The following HNRNPL variants were observed in gnomAD, a reference collection of about 807,000 sequenced individuals.
The protein encoded by HNRNPL is heterogeneous nuclear ribonucleoprotein L.
HNRNPL carries 12 observed loss-of-function variants against 64.0 expected under a neutral mutation model. The observed-to-expected ratio is 0.19, with a 90% CI of 0.12 to 0.30. The LOEUF is 0.30. Ranked by LOEUF, HNRNPL falls within the 10% of genes least tolerant of loss-of-function variation. The probability of loss-of-function intolerance (pLI) is 1.00; values close to 1 mark genes in which losing one functional copy is unlikely to be tolerated. For missense variants in HNRNPL, 484 were observed against 797.4 expected (o/e 0.61, Z 4.73); for synonymous variants, 385 against 313.0 (o/e 1.23, Z -2.43).
At chr19:38,846,218 C>G (rs144806789) in intron 2 of HNRNPL, 128 bp from the exon 3 acceptor site, 2 of 746,436 alleles carry the variant, frequency 2.7e-6, no homozygotes, top group African/African-American at 1.7e-5. Flanking sequence ...CATGGTTCCC[C>G]GACCTGAACA....
intron 9 of HNRNPL, 37 bp downstream of exon 9, chr19:38,838,857 C>T (rs761627186): frequency 6.2e-7 from 1 of 1,613,478 alleles, no homozygotes; most frequent in Non-Finnish European, 8.5e-7. Context: ...TTTCTCTCCC[C>T]TGTACCTCTG....
At position 38,836,601 on chromosome 19, in the gene HNRNPL, A is replaced by T. The variant is rs1490863562; in HGVS notation, c.*121T>A. 6.2e-5 allele frequency: 8 copies of T among 128,754 alleles called. No individual in the cohort carries two copies. The highest frequency in any genetic ancestry group is 3.0e-4 in the South Asian group (1 of 3,368). The allele number at this position is 128,754 out of a possible 1,614,324, so 8.0% of individuals were successfully genotyped here. On this transcript the variant is annotated 3_prime_UTR_variant, in exon 13 of 13. Coordinates refer to ENST00000221419, the MANE Select transcript of HNRNPL (RefSeq NM_001533.3). ...AAGCCTCTACAAACCTAGCATTTAA[A>T]AAAAAAAAAAAAAAAAAAAAAAAGG...
intron 4 of HNRNPL, chr19:38,845,299 A>C: frequency 5.1e-6 from 1 of 197,026 alleles, no homozygotes; most frequent in Non-Finnish European, 1.1e-5. Flanking sequence ...TGAACCCAGG[A>C]GGCAGAGGTT....
chr19:38,837,610 T>C lies in HNRNPL; in HGVS notation c.1599A>G (p.Lys533=). The C allele has an allele frequency of 6.2e-7, 1 of 1,614,238 alleles. No individual in the cohort carries two copies. Among genetic ancestry groups the C allele is most frequent in the Non-Finnish European group, 8.5e-7 (1 of 1,180,032 alleles). The part of the protein sequence containing the change: ...ELGVKRPSSV[K]VFSGKSERSS... The stretch of plus-strand genomic sequence containing the variant: ...TCGACTCACTTTTGCCTGAGAATAC[T>C]TTCACAGAAGATGGCCGCTTCACTC... Residue 533 remains lysine, a synonymous_variant, in exon 11 of 13, where the codon AAA becomes AAG. Coordinates refer to ENST00000221419, the MANE Select transcript of HNRNPL (RefSeq NM_001533.3).
Position 38,837,717 on chromosome 19 carries a change from G to C in HNRNPL, c.1558-66C>G, listed in dbSNP as rs576948257. ...AGGGCCGCCACACAGGATTCAAGCA[G>C]ACCAGGCCCTGCATGACTCAGTACT... is the stretch of plus-strand genomic sequence containing the variant. On this transcript the variant is annotated intron_variant, in intron 10 of 12. Transcript: ENST00000221419. 6.2e-5 allele frequency: 87 copies of C among 1,410,372 alleles called. No individual in the cohort carries two copies. In the East Asian group the frequency reaches 1.9e-3, roughly 31 times the overall value. 87.4% of individuals were successfully genotyped at this position (1,410,372 alleles called of 1,614,324 possible).
At chr19:38,842,121 T>TTG (rs1002991155) in intron 6 of HNRNPL, 2 of 155,152 alleles carry the variant, frequency 1.3e-5, no homozygotes, top group Non-Finnish European at 2.9e-5. Flanking sequence ...TTTTTTTTTT[T>TTG]TGGTTTCTGA....
chr19:38,843,562 C>A (rs1433478816), intron 6 of HNRNPL: 1 of 464,290 alleles, frequency 2.2e-6, no homozygotes, highest in Non-Finnish European at 3.9e-6. Flanking sequence ...AGGCCGCCCC[C>A]ACGCCTCATC....
chr19:38,845,522 G>A (rs1346336347), intron 4 of HNRNPL, 128 bp downstream of exon 4: 14 of 744,374 alleles, frequency 1.9e-5, no homozygotes, highest in Non-Finnish European at 2.9e-5. Context: ...ACTGGGCTCT[G>A]TGAAGGCATC....
intron 2 of HNRNPL, 73 bp downstream of exon 2, chr19:38,847,243 A>T: frequency 1.5e-6 from 1 of 682,384 alleles, no homozygotes; most frequent in Non-Finnish European, 2.3e-6. Context: ...ATTTCCAACC[A>T]GAAATCGTGG....
At chr19:38,840,018 C>A in intron 8 of HNRNPL, 78 bp downstream of exon 8, 2 of 1,380,916 alleles carry the variant, frequency 1.4e-6, no homozygotes, top group Non-Finnish European at 2.0e-6. Context: ...ACACCAGGCT[C>A]CCCCCTGGTT....
At chr19:38,851,755 C>A (rs908351616), upstream of HNRNPL, among the ~76,000 whole-genome samples, 3 of 152,138 alleles carry the variant, frequency 2.0e-5, no homozygotes, top group Admixed American at 2.0e-4. Context: ...CGGAGCGAGA[C>A]CCTATCAGAA....
At chr19:38,849,118 C>A (rs1413663683) in intron 1 of HNRNPL, among the ~76,000 whole-genome samples, 3 of 152,274 alleles carry the variant, frequency 2.0e-5, no homozygotes, top group Non-Finnish European at 4.4e-5. Context: ...CTTCGCTCAA[C>A]TCCTAAAAGG....
rs778716649 is a variant in HNRNPL at position 38,839,061 on chromosome 19, G to C, written c.1234-46C>G. On this transcript the variant is annotated intron_variant, in intron 8 of 12. Coordinates refer to ENST00000221419, the MANE Select transcript of HNRNPL (RefSeq NM_001533.3). ...TCAGCACCTCTGTCCAGCTGCCAGG[G>C]TCCCCTCTCCTGCCCCTCCCAAGTT... 2.9e-5 allele frequency: 47 copies of C among 1,607,960 alleles called. No individual in the cohort carries two copies. The Admixed American group carries it at 5.8e-4, about 20-fold the overall frequency.
chr19:38,843,578 T>G (rs1472703380), intron 6 of HNRNPL: 3 of 497,976 alleles, frequency 6.0e-6, no homozygotes, highest in Non-Finnish European at 1.1e-5. Flanking sequence ...TCATCCTCAG[T>G]GAGGCCCTGC....
rs566919819 is a variant in HNRNPL at position 38,840,014 on chromosome 19, G to T, written c.1233+82C>A. ...CGTCTGCCCGCCCAGCGCCACACCA[G>T]GCTCCCCCCTGGTTCTTTCCCGTGC... On this transcript the variant is annotated intron_variant, in intron 8 of 12. Coordinates refer to ENST00000221419, the MANE Select transcript of HNRNPL (RefSeq NM_001533.3). The T allele has an allele frequency of 3.5e-5, 48 of 1,383,388 alleles. No homozygotes were observed. In the Admixed American group the frequency reaches 5.3e-4, roughly 15 times the overall value. 85.7% of individuals were successfully genotyped at this position (1,383,388 alleles called of 1,614,324 possible). A position where few individuals can be genotyped will look rare whatever the true frequency, so the allele number is the denominator to read the frequency against.
upstream of HNRNPL, among the ~76,000 whole-genome samples, chr19:38,850,772 T>C (rs367793946): frequency 1.8e-4 from 28 of 152,292 alleles, no homozygotes; most frequent in East Asian, 1.5e-3. Context: ...ATTGTTAAAA[T>C]CCCAAATCTG....
intron 4 of HNRNPL, 108 bp from the exon 5 acceptor site, chr19:38,844,212 C>T (rs543663859): frequency 1.4e-4 from 102 of 726,196 alleles, no homozygotes; most frequent in Admixed American, 1.4e-3. Context: ...GTGGTACAGA[C>T]GGAAGCTTTG....
In HNRNPL at chr19:38,838,960, T is replaced by C. The variant is rs774292826; in HGVS notation, c.1289A>G (p.Tyr430Cys). The C allele has an allele frequency of 6.2e-7, 1 of 1,614,152 alleles. No homozygotes were observed. The highest frequency in any genetic ancestry group is 8.5e-7 in the Non-Finnish European group (1 of 1,180,026). The change falls in exon 9 of 13, where the codon TAC becomes TGC. Residue 430 changes from tyrosine (Y) to cysteine (C), a missense_variant. This residue lies in a region of HNRNPL where 53 missense variants were observed against 131.3 expected (regional missense o/e 0.40). Coordinates refer to ENST00000221419, the MANE Select transcript of HNRNPL (RefSeq NM_001533.3). Reference protein sequence around the residue: ...GAAMVEMADGYAVDRAITHLN... With the variant: ...GAAMVEMADGCAVDRAITHLN... Reference sequence around the variant, plus strand: ...GTGGGTAATGGCCCGGTCTACAGCGTAGCCATCAGCCATCTCCACCATGGC... The same window carrying C: ...GTGGGTAATGGCCCGGTCTACAGCGCAGCCATCAGCCATCTCCACCATGGC...
In HNRNPL at chr19:38,849,853, C is replaced by T. The variant is rs768364753; in HGVS notation, c.114G>A (p.Ala38=). The T allele has an allele frequency of 4.3e-5, 52 of 1,212,502 alleles. No homozygotes were observed. The highest frequency in any genetic ancestry group is 5.2e-5 in the Non-Finnish European group (45 of 862,220). 75.1% of individuals were successfully genotyped at this position (1,212,502 alleles called of 1,614,324 possible). ...AGCGGCCACCGCCGCCTCCGCCGCC[C>T]GCCGCCGCCATCTTCACCATCGCTC... ...RSGAMVKMAA[A]GGGGGGGRYY... The change falls in exon 1 of 13, where the codon GCG becomes GCA. Residue 38 remains alanine (A), a synonymous_variant. Coordinates refer to ENST00000221419, the MANE Select transcript of HNRNPL (RefSeq NM_001533.3).
Sources: allele counts gnomAD v4.1 joint callset (sites outside exome capture counted in the v4.1 genomes callset), GRCh38; gene constraint gnomAD v4.1.1; regional missense constraint gnomAD v4.1.1; transcripts MANE v1.5; gene names NCBI Gene and HGNC (gene_info 2026-07-23, HGNC 2026-07-21).